The following PIWIL1 variants were observed in gnomAD, a reference collection of about 807,000 sequenced individuals.
The protein encoded by PIWIL1 is piwi like RNA-mediated gene silencing 1.
In PIWIL1, 73 loss-of-function variants were observed where a neutral mutation model predicts 114.4. The observed-to-expected ratio is 0.64, with a 90% CI of 0.53 to 0.78. The LOEUF (loss-of-function observed/expected upper bound fraction) is 0.78. Ranked by LOEUF, PIWIL1 falls within the 30% of genes least tolerant of loss-of-function variation. The probability of loss-of-function intolerance (pLI) is 0.00; values close to 1 mark genes in which losing one functional copy is unlikely to be tolerated. For missense variants in PIWIL1, 723 were observed against 1,063.1 expected (o/e 0.68, Z 4.45); for synonymous variants, 375 against 369.0 (o/e 1.02, Z -0.19).
intron 6 of PIWIL1, among the ~76,000 whole-genome samples, chr12:130,347,356 G>A (rs907228625): frequency 1.9e-4 from 29 of 152,178 alleles, no homozygotes; most frequent in Admixed American, 1.4e-3. Context: ...TTCTCCCCAC[G>A]GTGGGTCCTT....
rs2073506831 is a variant in PIWIL1, at chr12:130,361,482, C to G, written c.1867-16C>G. 1 of 1,612,910 alleles carries G rather than the reference C, an allele frequency of 6.2e-7. No homozygotes were observed. Among genetic ancestry groups the G allele is most frequent in the Non-Finnish European group, 8.5e-7 (1 of 1,179,114 alleles). ...GGTACTCCATTGTATCTAAAATTACCATATTTGTATTGAAGCTGAAGCTCG... is the reference window on the plus strand; with the variant it reads ...GGTACTCCATTGTATCTAAAATTACGATATTTGTATTGAAGCTGAAGCTCG... On this transcript the variant is annotated splice_polypyrimidine_tract_variant and intron_variant, in intron 15 of 20. Transcript: ENST00000245255.
chr12:130,371,444 G>A (rs1245793217), intron 20 of PIWIL1, 38 bp from the exon 21 acceptor site: 1 of 1,609,442 alleles, frequency 6.2e-7, no homozygotes, highest in South Asian at 1.1e-5. Flanking sequence ...AAGAGGCTAA[G>A]TCTAGAGTAA....
chr12:130,392,372 TCA>T, the PIWIL1 span, among the ~76,000 whole-genome samples: 73 of 145,444 alleles, frequency 5.0e-4, 1 homozygote, highest in African/African-American at 1.7e-3. Flanking sequence ...GTCACCGTCA[TCA>T]CATGTGTCCG....
intron 4 of PIWIL1, 136 bp downstream of exon 4, chr12:130,346,014 G>A (rs771606783): frequency 2.5e-5 from 20 of 805,314 alleles, no homozygotes; most frequent in South Asian, 8.1e-5. Flanking sequence ...TTCTTTTGGC[G>A]TTGATGAAGT....
intron 1 of PIWIL1, among the ~76,000 whole-genome samples, chr12:130,338,898 G>A (rs1427588486): frequency 1.4e-5 from 2 of 145,408 alleles, no homozygotes; most frequent in African/African-American, 2.5e-5. Context: ...GGTCCCAGGT[G>A]CAGGGGCCGG....
chr12:130,397,378 G>C, the PIWIL1 span: 1 of 398,884 alleles, frequency 2.5e-6, no homozygotes, highest in Non-Finnish European at 4.4e-6. Context: ...ACTGCACCCA[G>C]CTTTTTCAGC....
intron 18 of PIWIL1, among the ~76,000 whole-genome samples, chr12:130,364,290 A>G (rs1479369100): frequency 6.6e-6 from 1 of 152,218 alleles, no homozygotes; most frequent in African/African-American, 2.4e-5. Flanking sequence ...AGCATTTTGT[A>G]TCATTATAGA....
intron 1 of PIWIL1, 120 bp from the exon 2 acceptor site, chr12:130,342,460 C>T: frequency 1.5e-6 from 1 of 651,924 alleles, no homozygotes; most frequent in Non-Finnish European, 2.8e-6. Context: ...TAGAAGGATA[C>T]ATAATAATTG....
chr12:130,350,495 TAA>T (rs567152015), intron 9 of PIWIL1, among the ~76,000 whole-genome samples: 158 of 152,284 alleles, frequency 1.0e-3, no homozygotes, highest in Non-Finnish European at 1.6e-3. Flanking sequence ...AAACAGTTTT[TAA>T]AGAGATGATT....
intron 14 of PIWIL1, among the ~76,000 whole-genome samples, chr12:130,360,247 A>G (rs2073471427): frequency 6.6e-6 from 1 of 152,198 alleles, no homozygotes; most frequent in African/African-American, 2.4e-5. Context: ...TGGGTAATGG[A>G]AACACCCAAG....
chr12:130,405,723 GA>G, the PIWIL1 span, among the ~76,000 whole-genome samples: 1 of 151,984 alleles, frequency 6.6e-6, no homozygotes, highest in Admixed American at 6.5e-5. Context: ...GTTGGCTCTA[GA>G]AAAAAGGTAA....
chr12:130,399,234 T>C, the PIWIL1 span: 1 of 848,532 alleles, frequency 1.2e-6, no homozygotes. Flanking sequence ...CTTGCAGTGA[T>C]GAAATAAAAT....
In PIWIL1 at chr12:130,346,955, T is replaced by C. The variant is rs746366383; in HGVS notation, c.546T>C (p.Phe182=). The C allele has an allele frequency of 9.3e-6, 15 of 1,612,048 alleles. No homozygotes were observed. The highest frequency in any genetic ancestry group is 1.7e-5 in the Admixed American group (1 of 59,596). The change falls in exon 6 of 21, where the codon TTT becomes TTC. Residue 182 remains phenylalanine (F), a synonymous_variant. Transcript: ENST00000245255. ...TCTGGCTTCAGGTTACTGAAGTTTT[T>C]AGTAAGACCCGGAATGGAGAGGATG... ...KRLQQKVTEV[F]SKTRNGEDVR...
At chr12:130,340,646 T>TGGGGGGGGGGGGGGGGGGGG (rs143005039) in intron 1 of PIWIL1, among the ~76,000 whole-genome samples, 2 of 72,804 alleles carry the variant, frequency 2.7e-5, no homozygotes, top group African/African-American at 6.0e-5. Context: ...GGAGGGGGGG[T>TGGGGGGGGGGGGGGGGGGGG]GGGGGGAGGG....
the PIWIL1 span, chr12:130,383,464 C>T: frequency 1.3e-5 from 2 of 152,142 alleles, no homozygotes; most frequent in African/African-American, 4.8e-5. Flanking sequence ...TATGATCTGC[C>T]TACAGGAAAG....
the PIWIL1 span, among the ~76,000 whole-genome samples, chr12:130,417,154 T>C: frequency 2.0e-5 from 3 of 152,082 alleles, no homozygotes; most frequent in Non-Finnish European, 4.4e-5. Flanking sequence ...GGAACGGAAA[T>C]TAGTTCAGCC....
the PIWIL1 span, chr12:130,414,064 C>T: frequency 1.9e-6 from 3 of 1,547,094 alleles, no homozygotes; most frequent in Non-Finnish European, 2.7e-6. Context: ...CAGTCTCTGC[C>T]CCCATGACCC....
the PIWIL1 span, among the ~76,000 whole-genome samples, chr12:130,392,029 TTACC>T: frequency 6.6e-6 from 1 of 151,950 alleles, no homozygotes; most frequent in African/African-American, 2.4e-5. Flanking sequence ...TGTGCGTCAG[TTACC>T]TGGTGAATAT....
At chr12:130,367,101 T>A in intron 18 of PIWIL1, 32 bp from the exon 19 acceptor site, 2 of 1,612,062 alleles carry the variant, frequency 1.2e-6, no homozygotes, top group Non-Finnish European at 1.7e-6. Context: ...TATGACTGGC[T>A]AAATGCAGTT....
Sources: allele counts gnomAD v4.1 joint callset (sites outside exome capture counted in the v4.1 genomes callset), GRCh38; gene constraint gnomAD v4.1.1; transcripts MANE v1.5; gene names NCBI Gene and HGNC (gene_info 2026-07-23, HGNC 2026-07-21).